The following CFAP47 variants were observed in gnomAD, a reference collection of about 807,000 sequenced individuals.
CFAP47 encodes the protein cilia- and flagella-associated protein 47.
CFAP47 carries 29 observed loss-of-function variants against 148.1 expected under a neutral mutation model. The ratio of observed to expected loss-of-function variants is 0.20; its 90% CI spans 0.15 to 0.27. CFAP47 has a LOEUF of 0.27. Ranked by LOEUF, CFAP47 falls within the 10% of genes least tolerant of loss-of-function variation. The pLI is 1.00. For missense variants in CFAP47, 1,872 were observed against 1,697.5 expected (o/e 1.10, Z -1.81); for synonymous variants, 664 against 577.3 (o/e 1.15, Z -2.15).
At chrX:35,963,189 G>A (rs1326806019) in intron 8 of CFAP47, among the ~76,000 whole-genome samples, 1 of 110,288 alleles carries the variant, frequency 9.1e-6, no homozygotes, top group African/African-American at 3.3e-5. Context: ...ATAAGGAGAT[G>A]TCAATCACAG....
chrX:36,046,912 C>T lies in CFAP47; in HGVS notation c.4066C>T (p.His1356Tyr), dbSNP rs1327893828. The change falls in exon 26 of 64, where the codon CAC (histidine) becomes TAC (tyrosine). Residue 1356 changes from histidine to tyrosine, a missense_variant. Coordinates refer to ENST00000378653, the MANE Select transcript of CFAP47 (RefSeq NM_001304548.2). ...TVRLLDGEEI[H>Y]PLSVKFPKGR... is the part of the protein sequence containing the mutation. ...AAGGCTTCTTGATGGTGAAGAGATT[C>T]ACCCTCTTTCTGTGAAATTTCCAAA... is the stretch of plus-strand genomic sequence containing the variant. 52 of 1,162,205 alleles carry T rather than the reference C, an allele frequency of 4.5e-5. No homozygotes were observed. The highest frequency in any genetic ancestry group is 5.9e-5 in the Non-Finnish European group (51 of 870,652).
intron 49 of CFAP47, among the ~76,000 whole-genome samples, chrX:36,258,435 A>T (rs1555999403): frequency 1.8e-5 from 2 of 111,610 alleles, no homozygotes; most frequent in African/African-American, 6.5e-5. Flanking sequence ...TATTATTTTT[A>T]TTCTGGAATA....
intron 32 of CFAP47, among the ~76,000 whole-genome samples, chrX:36,101,761 G>C (rs1938380690): frequency 9.0e-6 from 1 of 111,682 alleles, no homozygotes; most frequent in African/African-American, 3.3e-5. Flanking sequence ...TAGTCAAGAT[G>C]ATTCTTCAGA....
At chrX:35,960,920 G>A (rs947744935) in intron 8 of CFAP47, among the ~76,000 whole-genome samples, 1 of 111,347 alleles carries the variant, frequency 9.0e-6, no homozygotes, top group Non-Finnish European at 1.9e-5. Flanking sequence ...TGGCAAAAGG[G>A]GTATCTTGTC....
intron 33 of CFAP47, among the ~76,000 whole-genome samples, chrX:36,107,266 A>C (rs1034770491): frequency 8.9e-6 from 1 of 112,561 alleles, no homozygotes; most frequent in African/African-American, 3.2e-5. Context: ...AAAGTCCTTC[A>C]GAAAATTCAT....
intron 15 of CFAP47, among the ~76,000 whole-genome samples, chrX:35,986,493 G>T (rs191803666): frequency 9.2e-6 from 1 of 109,095 alleles, no homozygotes; most frequent in East Asian, 2.9e-4. Flanking sequence ...GGTTATTCTA[G>T]TTAACAGTTC....
chrX:36,173,311 C>T (rs1939614529), intron 39 of CFAP47, among the ~76,000 whole-genome samples: 2 of 111,523 alleles, frequency 1.8e-5, no homozygotes, highest in Non-Finnish European at 3.8e-5. Flanking sequence ...CAGTTCTGCT[C>T]TGATTTTAGT....
At chrX:35,933,951 C>T (rs1935870649) in intron 2 of CFAP47, among the ~76,000 whole-genome samples, 2 of 111,246 alleles carry the variant, frequency 1.8e-5, no homozygotes, top group Admixed American at 9.5e-5. Context: ...TGTTTGAGGT[C>T]CTTATATATT....
intron 2 of CFAP47, among the ~76,000 whole-genome samples, chrX:35,935,894 A>G (rs6629020): frequency 0.13 from 14,031 of 110,595 alleles, 720 homozygotes; most frequent in South Asian, 0.25. Context: ...GTGTTTCTCT[A>G]TATGGAACAC....
At position 36,160,638 on chromosome X, in the gene CFAP47, T is replaced by C. The variant is rs150944063; in HGVS notation, c.5938-43T>C. 1,277 of 287,741 alleles carry C rather than the reference T, an allele frequency of 4.4e-3. 23 individuals are homozygous for C. The East Asian group carries it at 0.054, about 12-fold the overall frequency. The allele number at this position is 287,741 out of a possible 1,213,427, so 23.7% of individuals were successfully genotyped here. ...TATTTTATAATTCAGAAAGTTCATT[T>C]TTTGTTATTATCATGTGGTAAGACT... On this transcript the variant is annotated intron_variant, in intron 38 of 63. Transcript: ENST00000378653.
chrX:35,992,046 T>A (rs747810993), intron 17 of CFAP47, 103 bp downstream of exon 17: 1 of 276,407 alleles, frequency 3.6e-6, no homozygotes, highest in East Asian at 5.1e-5. Flanking sequence ...TTTAGATACT[T>A]CACATTAAAT....
chrX:35,939,807 C>T lies in CFAP47; in HGVS notation c.402-1476C>T, dbSNP rs1395877365. ...TGATTTATAGTCCTTTGGGTATATA[C>T]CCAGTAATGGGATGGCTGGGTCAAA... On this transcript the variant is annotated intron_variant, in intron 2 of 63. Coordinates refer to ENST00000378653, the MANE Select transcript of CFAP47 (RefSeq NM_001304548.2). 3.0e-5 allele frequency among the ~76,000 whole-genome samples: 3 copies of T among 98,565 alleles called. No individual in the cohort carries two copies. The Admixed American group carries it at 3.4e-4, about 11-fold the overall frequency. 85.6% of individuals were successfully genotyped at this position (98,565 alleles called of 115,157 possible). A position where few individuals can be genotyped will look rare whatever the true frequency, so the allele number is the denominator to read the frequency against.
intron 48 of CFAP47, among the ~76,000 whole-genome samples, chrX:36,238,391 T>A (rs1940499068): frequency 8.9e-6 from 1 of 112,446 alleles, no homozygotes; most frequent in Non-Finnish European, 1.9e-5. Context: ...ATCTTTTTCT[T>A]TATAAATTAC....
intron 45 of CFAP47, among the ~76,000 whole-genome samples, chrX:36,205,835 A>T (rs1940033012): frequency 1.8e-5 from 2 of 112,274 alleles, no homozygotes; most frequent in Non-Finnish European, 3.8e-5. Context: ...AGAATGTTCC[A>T]CAATTCCAGT....
chrX:36,265,029 C>T (rs1556000818), intron 49 of CFAP47, among the ~76,000 whole-genome samples: 1 of 111,799 alleles, frequency 8.9e-6, no homozygotes, highest in Non-Finnish European at 1.9e-5. Context: ...AAGACTTCTT[C>T]CTGTGCATGA....
intron 21 of CFAP47, among the ~76,000 whole-genome samples, chrX:36,010,081 TA>T (rs970994158): frequency 9.1e-6 from 1 of 110,304 alleles, no homozygotes; most frequent in Non-Finnish European, 1.9e-5. Flanking sequence ...AAGGTTTTGG[TA>T]AAAAAAAATC....
chrX:35,985,216 G>A (rs935947964), intron 15 of CFAP47, among the ~76,000 whole-genome samples: 1 of 111,164 alleles, frequency 9.0e-6, no homozygotes, highest in African/African-American at 3.3e-5. Context: ...TTTGTTCTCT[G>A]GCCCCTCAAG....
intron 49 of CFAP47, among the ~76,000 whole-genome samples, chrX:36,267,733 C>A (rs1219471678): frequency 8.9e-6 from 1 of 111,911 alleles, no homozygotes; most frequent in Non-Finnish European, 1.9e-5. Context: ...CCGCCTTGGC[C>A]TCCCAAAGTG....
chrX:36,125,187 G>A (rs1938814099), intron 33 of CFAP47, among the ~76,000 whole-genome samples: 1 of 111,542 alleles, frequency 9.0e-6, no homozygotes, highest in Non-Finnish European at 1.9e-5. Context: ...TCCTCACAAG[G>A]ACAGAAGCCA....
Sources: gnomAD v4.1 joint callset for allele counts (sites outside exome capture counted in the v4.1 genomes callset) on GRCh38, gnomAD v4.1.1 for gene constraint, MANE v1.5 for transcripts, NCBI Gene and HGNC (gene_info 2026-07-23, HGNC 2026-07-21) for gene names.